RICTOR: variants seen among roughly 807,000 people sequenced by gnomAD.
RICTOR encodes the protein RPTOR independent companion of MTOR complex 2.
A neutral mutation model predicts 214.9 loss-of-function variants in RICTOR; 49 were observed. The ratio of observed to expected loss-of-function variants is 0.23; its 90% CI spans 0.18 to 0.29. The LOEUF (loss-of-function observed/expected upper bound fraction) is 0.29. Ranked by LOEUF, RICTOR falls within the 10% of genes least tolerant of loss-of-function variation. The probability of loss-of-function intolerance (pLI) is 1.00; values close to 1 mark genes in which losing one functional copy is unlikely to be tolerated. For synonymous variants in RICTOR, 717 were observed against 711.3 expected (o/e 1.01, Z -0.13); for missense variants, 1,625 against 2,047.0 (o/e 0.79, Z 3.98).
At chr5:38,966,509 G>A (rs1750237549) in intron 15 of RICTOR, 132 bp downstream of exon 15, 1 of 628,376 alleles carries the variant, frequency 1.6e-6, no homozygotes, top group Non-Finnish European at 2.8e-6. Context: ...TTTTTCTAAT[G>A]CAAAGATAAA....
intron 2 of RICTOR, among the ~76,000 whole-genome samples, chr5:39,028,071 G>A (rs1166923877): frequency 6.7e-6 from 1 of 148,410 alleles, no homozygotes; most frequent in African/African-American, 2.5e-5. Context: ...ACAGGAAAAT[G>A]AAAATTAAAA....
At chr5:38,950,801 A>C (rs1440041863) in intron 30 of RICTOR, 81 bp from the exon 31 acceptor site, 4 of 1,299,492 alleles carry the variant, frequency 3.1e-6, no homozygotes, top group Non-Finnish European at 4.1e-6. Flanking sequence ...ACATTTCAGG[A>C]AATTTTTTTT....
At chr5:39,028,939 T>C (rs2150147845) in intron 2 of RICTOR, among the ~76,000 whole-genome samples, 1 of 152,136 alleles carries the variant, frequency 6.6e-6, no homozygotes, top group African/African-American at 2.4e-5. Context: ...ACAAACTACT[T>C]ATACATACAA....
At position 38,950,464 on chromosome 5, in the gene RICTOR, G is replaced by A. The variant is rs2112856403; in HGVS notation, c.3384C>T (p.Asn1128=). The A allele has an allele frequency of 2.5e-6, 4 of 1,613,490 alleles. No homozygotes were observed. Among genetic ancestry groups the A allele is most frequent in the Non-Finnish European group, 1.7e-6 (2 of 1,179,626 alleles). ...GKLSSESKTS[N]RRIRTLTEPS... The stretch of plus-strand genomic sequence containing the variant: ...GCTCCGTAAGTGTTCTGATTCGCCT[G>A]TTGCTTGTCTTACTTTCAGATGATA... Residue 1128 remains asparagine, a synonymous_variant, in exon 31 of 38, where the codon AAC becomes AAT. Coordinates refer to ENST00000357387, the MANE Select transcript of RICTOR (RefSeq NM_152756.5).
chr5:38,961,609 T>C (rs1197160433), intron 19 of RICTOR, among the ~76,000 whole-genome samples: 3 of 152,190 alleles, frequency 2.0e-5, no homozygotes, highest in African/African-American at 7.2e-5. Flanking sequence ...AGACATCATC[T>C]GTGTTCTCAA....
At position 38,950,567 on chromosome 5, in the gene RICTOR, A is replaced by G; in HGVS notation, c.3281T>C (p.Val1094Ala). 6.2e-7 allele frequency: 1 copy of G among 1,613,230 alleles called. No individual in the cohort carries two copies. ...SFPFFASSKL[V>A]KNRILNSLTL... is the part of the protein sequence containing the mutation. Reference sequence around the variant, plus strand: ...AAGCGAATTTAAGATACGATTCTTCACAAGTTTACTAGAAGCAAAGAAAGG... The same window carrying G: ...AAGCGAATTTAAGATACGATTCTTCGCAAGTTTACTAGAAGCAAAGAAAGG... Residue 1094 changes from valine to alanine, a missense_variant, in exon 31 of 38, where the codon GTG (valine) becomes GCG (alanine). Physicochemically the swap from Val to Ala is moderately conservative, Grantham distance 64. Around this residue, in one of 5 missense-constraint regions of RICTOR, gnomAD observed 1,214 missense variants for 1,470.5 expected, o/e 0.83. Transcript: ENST00000357387.
At chr5:38,943,021 A>G (rs778421469) in intron 36 of RICTOR, 50 bp from the exon 37 acceptor site, 3 of 1,393,840 alleles carry the variant, frequency 2.2e-6, no homozygotes, top group East Asian at 2.3e-5. Context: ...TGATGTATCT[A>G]TTTTTCCTCC....
intron 2 of RICTOR, among the ~76,000 whole-genome samples, chr5:39,046,009 T>C (rs947299395): frequency 1.4e-5 from 2 of 143,558 alleles, no homozygotes; most frequent in Non-Finnish European, 3.1e-5. Context: ...GTCAGTCTCT[T>C]TCACTAGCTC....
In RICTOR at chr5:38,940,767, A is replaced by G. The variant is rs1358728067; in HGVS notation, c.*1537T>C. On this transcript the variant is annotated 3_prime_UTR_variant, in exon 38 of 38. Coordinates refer to ENST00000357387, the MANE Select transcript of RICTOR (RefSeq NM_152756.5). ...CTGGAACTTTCAGTTCCAGTAAATAAATTTTTTAAAAAAGTATCTCTGTGA... is the reference window on the plus strand; with the variant it reads ...CTGGAACTTTCAGTTCCAGTAAATAGATTTTTTAAAAAAGTATCTCTGTGA... The G allele has an allele frequency of 4.3e-6, 1 of 231,972 alleles. No homozygotes were observed. The highest frequency in any genetic ancestry group is 8.5e-6 in the Non-Finnish European group (1 of 117,266). 14.4% of individuals were successfully genotyped at this position (231,972 alleles called of 1,614,324 possible).
intron 3 of RICTOR, among the ~76,000 whole-genome samples, chr5:39,006,191 C>A (rs1471102341): frequency 1.3e-5 from 2 of 152,176 alleles, no homozygotes; most frequent in Non-Finnish European, 2.9e-5. Context: ...CTTATTTGTA[C>A]AAGATTCTCT....
intron 21 of RICTOR, 91 bp downstream of exon 21, chr5:38,959,688 C>T (rs1401442041): frequency 1.3e-6 from 1 of 755,660 alleles, no homozygotes; most frequent in Non-Finnish European, 2.2e-6. Flanking sequence ...CTTAACCAAA[C>T]ACATGTACAC....
chr5:39,031,747 G>A (rs930510240), intron 2 of RICTOR, among the ~76,000 whole-genome samples: 1 of 152,122 alleles, frequency 6.6e-6, no homozygotes, highest in Non-Finnish European at 1.5e-5. Context: ...GGATACATAT[G>A]CGACTTCAAC....
rs573790456 is a variant in RICTOR at position 38,950,036 on chromosome 5, G to A, written c.3812C>T (p.Thr1271Met). ...TKTIKTSHYLTPQSNHLSLSK... is the reference protein window; with the variant it reads ...TKTIKTSHYLMPQSNHLSLSK... Reference sequence around the variant, plus strand: ...GAGAGACAGATGGTTAGACTGTGGCGTCAAATAGTGGCTTGTCTTAATAGT... The same window carrying A: ...GAGAGACAGATGGTTAGACTGTGGCATCAAATAGTGGCTTGTCTTAATAGT... Residue 1271 changes from threonine to methionine, a missense_variant, in exon 31 of 38, where the codon ACG becomes ATG. Around this residue, in one of 5 missense-constraint regions of RICTOR, gnomAD observed 1,214 missense variants for 1,470.5 expected, o/e 0.83. Transcript: ENST00000357387. 36 of 1,613,274 alleles carry A rather than the reference G, an allele frequency of 2.2e-5. No individual in the cohort carries two copies. Among genetic ancestry groups the A allele is most frequent in the South Asian group, 8.8e-5 (8 of 91,068 alleles).
Position 38,990,834 on chromosome 5 carries a change from A to AGATATAT in RICTOR, c.583+108_583+114dup, listed in dbSNP as rs1453656212. The AGATATAT allele has an allele frequency of 8.7e-3, 1,231 of 142,130 alleles. 29 individuals are homozygous for AGATATAT. In the African/African-American group the frequency reaches 0.099, roughly 11 times the overall value. The allele number at this position is 142,130 out of a possible 1,614,324, so 8.8% of individuals were successfully genotyped here. A position where few individuals can be genotyped will look rare whatever the true frequency, so the allele number is the denominator to read the frequency against. On this transcript the variant is annotated intron_variant, in intron 7 of 37. Transcript: ENST00000357387. ...AGATATATGAGATATATGATATATG[A>AGATATAT]GATATATGAGATATATGATATATAT... is the stretch of plus-strand genomic sequence containing the variant.
In RICTOR at chr5:38,947,250, A is replaced by G; in HGVS notation, c.4314+14T>C. 1 of 1,579,832 alleles carries G rather than the reference A, an allele frequency of 6.3e-7. No homozygotes were observed. On this transcript the variant is annotated intron_variant, in intron 32 of 37. Transcript: ENST00000357387. ...AACCAACTCATAGGAAAACAATAAA[A>G]TGTATGATAATACCTGGAATATATC...
intron 22 of RICTOR, 99 bp from the exon 23 acceptor site, chr5:38,958,930 G>T: frequency 1.2e-6 from 1 of 868,284 alleles, no homozygotes; most frequent in Non-Finnish European, 1.7e-6. Flanking sequence ...GAAAAGGGAA[G>T]AATGCCTGGA....
Position 39,073,737 on chromosome 5 carries a change from T to C in RICTOR, c.97+374A>G, listed in dbSNP as rs555363602. 2.0e-5 allele frequency among the ~76,000 whole-genome samples: 3 copies of C among 152,184 alleles called. No homozygotes were observed. The South Asian group carries it at 6.2e-4, about 32-fold the overall frequency. On this transcript the variant is annotated intron_variant, in intron 2 of 37. Coordinates refer to ENST00000357387, the MANE Select transcript of RICTOR (RefSeq NM_152756.5). ...CTCAAACATCCTCCTGCAACCTAAA[T>C]AACAGCCTCTACCTCCCTCCAGCTG...
chr5:39,034,102 C>G lies in RICTOR; in HGVS notation c.98-12966G>C, dbSNP rs955004259. On this transcript the variant is annotated intron_variant, in intron 2 of 37. Coordinates refer to ENST00000357387, the MANE Select transcript of RICTOR (RefSeq NM_152756.5). Reference sequence around the variant, plus strand: ...CTTGCTGACAGTTTATCATTCTGTACCTTTGGATAAGTTAAACAAGTGACA... The same window carrying G: ...CTTGCTGACAGTTTATCATTCTGTAGCTTTGGATAAGTTAAACAAGTGACA... Among the ~76,000 whole-genome samples, 5 of 152,140 alleles carry G rather than the reference C, an allele frequency of 3.3e-5. No homozygotes were observed. In the South Asian group the frequency reaches 6.2e-4, roughly 19 times the overall value.
chr5:38,945,136 G>A (rs2112810128), intron 34 of RICTOR, 68 bp from the exon 35 acceptor site: 3 of 1,082,778 alleles, frequency 2.8e-6, no homozygotes, highest in Non-Finnish European at 2.7e-6. Context: ...TACATTGCAT[G>A]CTAAAAAGAA....
Sources: gnomAD v4.1 joint callset for allele counts (sites outside exome capture counted in the v4.1 genomes callset) on GRCh38, gnomAD v4.1.1 for gene constraint, gnomAD v4.1.1 regional missense constraint, MANE v1.5 for transcripts, NCBI Gene and HGNC (gene_info 2026-07-23, HGNC 2026-07-21) for gene names.